Variants in TMEM276 observed in about 807,000 individuals in gnomAD.
TMEM276 encodes the protein transmembrane protein 276.
chr8:144,466,306 C>A, the TMEM276 span: 4 of 254,002 alleles, frequency 1.6e-5, no homozygotes, highest in African/African-American at 6.9e-5. Flanking sequence ...GGAGCCGGGC[C>A]GTGGGGGCGG....
the TMEM276 span, chr8:144,464,939 G>C: frequency 6.2e-7 from 1 of 1,603,782 alleles, no homozygotes; most frequent in African/African-American, 1.3e-5. Context: ...GACACAGATA[G>C]GAGATACTCA....
the TMEM276 span, chr8:144,463,956 C>A: frequency 2.0e-6 from 3 of 1,490,366 alleles, no homozygotes; most frequent in East Asian, 6.9e-5. Flanking sequence ...AGACAAGTCC[C>A]CACACGTGGC....
chr8:144,466,902 A>G, the TMEM276 span: 2 of 1,554,480 alleles, frequency 1.3e-6, no homozygotes, highest in East Asian at 2.3e-5. Context: ...GGAGGGGCGG[A>G]GGCCTGGCTC....
chr8:144,465,489 A>C, the TMEM276 span: 1 of 958,552 alleles, frequency 1.0e-6, no homozygotes, highest in Non-Finnish European at 1.2e-6. Flanking sequence ...TCCACCAGCG[A>C]GAGGAGCGGA....
the TMEM276 span, chr8:144,465,716 G>T: frequency 1.0e-5 from 1 of 96,308 alleles, no homozygotes; most frequent in African/African-American, 4.5e-5. Flanking sequence ...GGGCGGGGCT[G>T]CGAGGGGCGG....
At chr8:144,466,162 C>T in the TMEM276 span, 1 of 167,318 alleles carries the variant, frequency 6.0e-6, no homozygotes, top group Non-Finnish European at 1.3e-5. Flanking sequence ...GAGCCGTGGG[C>T]GCTCTCAGCC....
At chr8:144,466,635 C>A in the TMEM276 span, 1 of 948,714 alleles carries the variant, frequency 1.1e-6, no homozygotes. Flanking sequence ...TGCCGAGGAC[C>A]CTCGGCTCGG....
chr8:144,466,450 A>G, the TMEM276 span: 5 of 1,363,976 alleles, frequency 3.7e-6, no homozygotes, highest in South Asian at 4.9e-5. Flanking sequence ...GCTCATCTAC[A>G]TCTTCTACAG....
chr8:144,465,413 C>T, the TMEM276 span: 14 of 1,014,466 alleles, frequency 1.4e-5, no homozygotes, highest in African/African-American at 1.4e-4. Context: ...AACGCACCGC[C>T]CACCGCCGTC....
At chr8:144,465,136 G>A in the TMEM276 span, 1 of 1,411,554 alleles carries the variant, frequency 7.1e-7, no homozygotes, top group South Asian at 1.3e-5. Flanking sequence ...GGAAACGGGG[G>A]AAAACGACTC....
At chr8:144,465,614 G>C in the TMEM276 span, 137 of 152,904 alleles carry the variant, frequency 9.0e-4, no homozygotes, top group Non-Finnish European at 1.6e-3. Flanking sequence ...GTGGGGTCGG[G>C]AGGAGCTCGG....
chr8:144,466,384 G>T, the TMEM276 span: 2 of 958,370 alleles, frequency 2.1e-6, no homozygotes, highest in Non-Finnish European at 2.7e-6. Flanking sequence ...GACGCGGGGC[G>T]GCGCGAAGCG....
At chr8:144,466,959 C>T in the TMEM276 span, 43 of 1,592,080 alleles carry the variant, frequency 2.7e-5, no homozygotes, top group East Asian at 9.0e-4. Context: ...TGACCGGCAG[C>T]CAGCTCCGAG....
the TMEM276 span, chr8:144,464,158 G>A: frequency 3.5e-5 from 57 of 1,612,570 alleles, no homozygotes; most frequent in Middle Eastern, 1.6e-4. Context: ...TGTATGCAGG[G>A]CCCGGCAGTA....
chr8:144,465,107 G>A, the TMEM276 span: 97 of 1,483,096 alleles, frequency 6.5e-5, no homozygotes, highest in East Asian at 5.6e-4. Flanking sequence ...CTGTGGAGAA[G>A]AAGAACCTAA....
At chr8:144,466,470 C>A in the TMEM276 span, 2 of 1,352,896 alleles carry the variant, frequency 1.5e-6, no homozygotes, top group South Asian at 3.5e-5. Flanking sequence ...GCCTCTTCCG[C>A]AGGGATGGTG....
chr8:144,467,008 G>T, the TMEM276 span: 1 of 1,595,872 alleles, frequency 6.3e-7, no homozygotes, highest in East Asian at 2.3e-5. Flanking sequence ...AGGGCCGCGC[G>T]GCCGCGGTGT....
chr8:144,465,500 G>A, the TMEM276 span: 1 of 944,990 alleles, frequency 1.1e-6, no homozygotes, highest in African/African-American at 1.8e-5. Flanking sequence ...GAGGAGCGGA[G>A]GCTAGAGCGG....
chr8:144,464,317 A>G, the TMEM276 span: 1 of 1,613,036 alleles, frequency 6.2e-7, no homozygotes, highest in Non-Finnish European at 8.5e-7. Flanking sequence ...GAAGACAGCT[A>G]CAATGAGGAT....
Sources: allele counts gnomAD v4.1 joint callset, GRCh38; gene constraint gnomAD v4.1.1; transcripts MANE v1.5; gene names NCBI Gene and HGNC (gene_info 2026-07-23, HGNC 2026-07-21).